SARM1: variants seen among roughly 807,000 people sequenced by gnomAD.
SARM1 encodes NAD(+) hydrolase SARM1.
Under a neutral mutation model 65.1 loss-of-function variants are expected in SARM1, and 60 were observed. The ratio of observed to expected loss-of-function variants is 0.92; its 90% confidence interval spans 0.75 to 1.14. SARM1 has a LOEUF of 1.14. SARM1 is among the 50% of genes most tolerant of loss of function. The pLI, the probability that SARM1 is intolerant of heterozygous loss-of-function variation, is 0.00. For synonymous variants in SARM1, 417 were observed against 465.4 expected, an observed-to-expected ratio of 0.90 and a Z score of 1.34; for missense variants, 913 against 1,015.7, an observed-to-expected ratio of 0.90 and a Z score of 1.37.
chr17:28,389,820 G>A (rs879984318), intron 7 of SARM1, among the ~76,000 whole-genome samples: 4 of 152,146 alleles, frequency 2.6e-5, no homozygotes, highest in Non-Finnish European at 4.4e-5. Flanking sequence ...CCCAGAAGAC[G>A]GAGATCACAC....
In SARM1 at chr17:28,384,642, C is replaced by A; in HGVS notation, c.1302+73C>A. The A allele has an allele frequency of 7.0e-7, 1 of 1,420,800 alleles. No homozygotes were observed. The highest frequency in any genetic ancestry group is 9.5e-7 in the Non-Finnish European group (1 of 1,051,856). The allele number at this position is 1,420,800 out of a possible 1,614,324, so 88.0% of individuals were successfully genotyped here. ...GTGCACAGGGACTGCGTTCCCTCCC[C>A]GCCTCGCAATCCCGCGGCGCCAGGG... On this transcript the variant is annotated intron_variant, in intron 3 of 8. Transcript: ENST00000585482. The surrounding 1 kb of genome is among the most constrained non-coding windows in gnomAD (Gnocchi z 4.4).
Position 28,388,343 on chromosome 17 carries a change from C to T in SARM1, c.1734-7C>T. 1 of 1,613,610 alleles carries T rather than the reference C, an allele frequency of 6.2e-7. No homozygotes were observed. The highest frequency in any genetic ancestry group is 8.5e-7 in the Non-Finnish European group (1 of 1,179,732). ...GGCTGTGGCACTGACACAGGACTTACTTGCAGTCTCCTGAAGGTGCACCTG... is the reference window on the plus strand; with the variant it reads ...GGCTGTGGCACTGACACAGGACTTATTTGCAGTCTCCTGAAGGTGCACCTG... On this transcript the variant is annotated splice_region_variant and splice_polypyrimidine_tract_variant and intron_variant, in intron 6 of 8. Coordinates refer to ENST00000585482, the MANE Select transcript of SARM1 (RefSeq NM_015077.4).
Position 28,396,789 on chromosome 17 carries a change from T to G in SARM1, c.*503T>G. 1 of 157,822 alleles carries G rather than the reference T, an allele frequency of 6.3e-6. No homozygotes were observed. Among genetic ancestry groups the G allele is most frequent in the Non-Finnish European group, 1.4e-5 (1 of 71,540 alleles). The allele number at this position is 157,822 out of a possible 1,614,324, so 9.8% of individuals were successfully genotyped here. A position where few individuals can be genotyped will look rare whatever the true frequency, so the allele number is the denominator to read the frequency against. ...CTCAGACTGTGCCTGGCCCCTGCAC[T>G]TACAACTTCCTGCCGCTCTGTGGCC... On this transcript the variant is annotated 3_prime_UTR_variant, in exon 9 of 9. Coordinates refer to ENST00000585482, the MANE Select transcript of SARM1 (RefSeq NM_015077.4).
chr17:28,391,097 C>A (rs2068077644), intron 7 of SARM1, among the ~76,000 whole-genome samples: 1 of 152,194 alleles, frequency 6.6e-6, no homozygotes, highest in Non-Finnish European at 1.5e-5. Context: ...ATTCGGTTGA[C>A]ACCAGAGATG....
rs782507001 is a variant in SARM1 at position 28,381,299 on chromosome 17, G to GC, written c.568dup (p.His190ProfsTer91). On this transcript the variant is annotated frameshift_variant, in exon 2 of 9. Coordinates refer to ENST00000585482, the MANE Select transcript of SARM1 (RefSeq NM_015077.4). LOFTEE classifies it high-confidence loss of function. ...CGCGGAGCGTGGCAGGCATCTTGGA[G>GC]CACATGTTCAAGCATTCGGAGGAGA... The GC allele has an allele frequency of 1.4e-5, 22 of 1,604,916 alleles. No individual in the cohort carries two copies. The Admixed American group carries it at 2.2e-4, about 16-fold the overall frequency.
chr17:28,372,047 G>A lies in SARM1; in HGVS notation c.15G>A (p.Leu5=), dbSNP rs781881401. The part of the protein sequence containing the change: MVLT[L]LLSAYKLCRF... ...GCCCCGCGCCCATGGTCCTGACGCT[G>A]CTTCTCTCCGCCTACAAGCTGTGTC... Residue 5 remains leucine, a synonymous_variant, in exon 1 of 9, where the codon CTG becomes CTA. Coordinates refer to ENST00000585482, the MANE Select transcript of SARM1 (RefSeq NM_015077.4). The surrounding 1 kb of genome is among the most constrained non-coding windows in gnomAD (Gnocchi z 5.2). 1.3e-6 allele frequency: 2 copies of A among 1,506,344 alleles called. No individual in the cohort carries two copies. The highest frequency in any genetic ancestry group is 2.4e-5 in the South Asian group (2 of 82,218). 93.3% of individuals were successfully genotyped at this position (1,506,344 alleles called of 1,614,324 possible).
intron 1 of SARM1, among the ~76,000 whole-genome samples, chr17:28,380,148 GCCT>G (rs2068014421): frequency 7.0e-6 from 1 of 143,466 alleles, no homozygotes; most frequent in African/African-American, 2.6e-5. Flanking sequence ...TCTCAAGTGA[GCCT>G]CCCACCTTGG....
chr17:28,401,288 G>A lies in SARM1; in HGVS notation c.*5002G>A, dbSNP rs548581562. On this transcript the variant is annotated 3_prime_UTR_variant, in exon 9 of 9. Transcript: ENST00000585482. ...GTTCACATGGAAATCACCCATCACTGGGCCTGGTCCCCTGGAAGTAGCTAG... is the reference window on the plus strand; with the variant it reads ...GTTCACATGGAAATCACCCATCACTAGGCCTGGTCCCCTGGAAGTAGCTAG... 17 of 164,860 alleles carry A rather than the reference G, an allele frequency of 1.0e-4. No individual in the cohort carries two copies. Among genetic ancestry groups the A allele is most frequent in the Non-Finnish European group, 1.9e-4 (14 of 75,042 alleles). The allele number at this position is 164,860 out of a possible 1,614,324, so 10.2% of individuals were successfully genotyped here.
chr17:28,388,055 C>T (rs2142433989), intron 5 of SARM1, 119 bp from the exon 6 acceptor site: 2 of 797,356 alleles, frequency 2.5e-6, no homozygotes, highest in Non-Finnish European at 4.1e-6. Flanking sequence ...AGGCCACCCT[C>T]CCCAGGCTGG....
chr17:28,376,815 G>C (rs1382831958), intron 1 of SARM1, among the ~76,000 whole-genome samples: 1 of 143,692 alleles, frequency 7.0e-6, no homozygotes, highest in Non-Finnish European at 1.5e-5. Flanking sequence ...TTGAGATGGA[G>C]TCTCCCTCTA....
At position 28,384,689 on chromosome 17, in the gene SARM1, C is replaced by T. The variant is rs1555585694; in HGVS notation, c.1302+120C>T. 5 of 1,239,422 alleles carry T rather than the reference C, an allele frequency of 4.0e-6. No individual in the cohort carries two copies. Among genetic ancestry groups the T allele is most frequent in the East Asian group, 5.1e-5 (2 of 39,170 alleles). The allele number at this position is 1,239,422 out of a possible 1,614,324, so 76.8% of individuals were successfully genotyped here. A position where few individuals can be genotyped will look rare whatever the true frequency, so the allele number is the denominator to read the frequency against. On this transcript the variant is annotated intron_variant, in intron 3 of 8. Transcript: ENST00000585482. The surrounding 1 kb of genome is among the most constrained non-coding windows in gnomAD (Gnocchi z 4.4). Reference sequence around the variant, plus strand: ...AGGGTCGCTTTTGGGGGCGGGGAGCCTGTACGCAGCCACCGTTAGGGTCAC... The same window carrying T: ...AGGGTCGCTTTTGGGGGCGGGGAGCTTGTACGCAGCCACCGTTAGGGTCAC...
At position 28,381,622 on chromosome 17, in the gene SARM1, A is replaced by C. The variant is rs1555585300; in HGVS notation, c.890A>C (p.Glu297Ala). The C allele has an allele frequency of 6.4e-7, 1 of 1,574,102 alleles. No homozygotes were observed. The highest frequency in any genetic ancestry group is 1.2e-5 in the South Asian group (1 of 85,870). Residue 297 changes from glutamate (E) to alanine (A), a missense_variant, in exon 2 of 9, where the codon GAG becomes GCG. Physicochemically the swap from Glu to Ala is moderately radical, Grantham distance 107. Coordinates refer to ENST00000585482, the MANE Select transcript of SARM1 (RefSeq NM_015077.4). ...CGCTCGGGCACGCTGGCGCTCGTGG[A>C]GCCGCTTGTGGCCTCGCTGGACCCT... ...VERSGTLALVEPLVASLDPGR... is the reference protein window; with the variant it reads ...VERSGTLALVAPLVASLDPGR...
At position 28,388,429 on chromosome 17, in the gene SARM1, G is replaced by A. The variant is rs782047820; in HGVS notation, c.1813G>A (p.Asp605Asn). 4 of 1,613,988 alleles carry A rather than the reference G, an allele frequency of 2.5e-6. No homozygotes were observed. The highest frequency in any genetic ancestry group is 4.5e-5 in the East Asian group (2 of 44,886). ...VEKLEAGKFE[D>N]KLIQSVMGAR... ...GAAGCTGGAAGCAGGCAAGTTCGAGGACAAACTCATCCAGAGTGTCATGGG... is the reference window on the plus strand; with the variant it reads ...GAAGCTGGAAGCAGGCAAGTTCGAGAACAAACTCATCCAGAGTGTCATGGG... Residue 605 changes from aspartate to asparagine, a missense_variant, in exon 7 of 9, where the codon GAC becomes AAC. Asp to Asn is a conservative substitution (Grantham distance 23, BLOSUM62 1). Around this residue, in one of 3 missense-constraint regions of SARM1, gnomAD observed 862 missense variants for 952.1 expected, o/e 0.91. Coordinates refer to ENST00000585482, the MANE Select transcript of SARM1 (RefSeq NM_015077.4).
At position 28,396,196 on chromosome 17, in the gene SARM1, C is replaced by T. The variant is rs532189094; in HGVS notation, c.2085C>T (p.Ile695=). The T allele has an allele frequency of 1.2e-6, 2 of 1,614,024 alleles. No individual in the cohort carries two copies. Among genetic ancestry groups the T allele is most frequent in the South Asian group, 1.1e-5 (1 of 91,082 alleles). Residue 695 remains isoleucine (I), a synonymous_variant, in exon 9 of 9, where the codon ATC becomes ATT. Coordinates refer to ENST00000585482, the MANE Select transcript of SARM1 (RefSeq NM_015077.4). ...HEYQEATIEK[I]IRFLQGRSSR... is the part of the protein sequence containing the mutation. ...ACCAGGAGGCCACCATTGAGAAGAT[C>T]ATCCGCTTCCTGCAGGGCCGCTCCT...
At chr17:28,390,441 A>C (rs2068074274) in intron 7 of SARM1, among the ~76,000 whole-genome samples, 1 of 152,192 alleles carries the variant, frequency 6.6e-6, no homozygotes, top group Non-Finnish European at 1.5e-5. Flanking sequence ...GATTCTCTAT[A>C]GAATGTGGCC....
At chr17:28,392,293 T>TA (rs59548548) in intron 7 of SARM1, among the ~76,000 whole-genome samples, 1 of 151,618 alleles carries the variant, frequency 6.6e-6, no homozygotes, top group Non-Finnish European at 1.5e-5. Flanking sequence ...TATATATATA[T>TA]TTTTAGTAGA....
chr17:28,377,203 A>G (rs782804719), intron 1 of SARM1, among the ~76,000 whole-genome samples: 9 of 152,244 alleles, frequency 5.9e-5, no homozygotes, highest in Non-Finnish European at 7.3e-5. Flanking sequence ...AGACAGGCAG[A>G]TCTGGGTTCA....
chr17:28,387,886 T>G, intron 5 of SARM1: 1 of 439,320 alleles, frequency 2.3e-6, no homozygotes, highest in Non-Finnish European at 4.1e-6. Context: ...TTTGGAGTGA[T>G]TGTGGGCAGC....
chr17:28,379,606 G>A (rs545278195), intron 1 of SARM1, among the ~76,000 whole-genome samples: 5 of 152,140 alleles, frequency 3.3e-5, no homozygotes, highest in South Asian at 2.1e-4. Flanking sequence ...CACCGCACCC[G>A]GCCTAGATCA....
Sources: allele counts gnomAD v4.1 joint callset (sites outside exome capture counted in the v4.1 genomes callset), GRCh38; gene constraint gnomAD v4.1.1; regional missense constraint gnomAD v4.1.1; non-coding constraint Gnocchi (gnomAD v3.1); transcripts MANE v1.5; gene names NCBI Gene and HGNC (gene_info 2026-07-23, HGNC 2026-07-21).